Variants in DIS3L2 observed in about 807,000 individuals in gnomAD.
DIS3L2 encodes DIS3-like exonuclease 2.
A neutral mutation model predicts 97.5 loss-of-function variants in DIS3L2; 34 were observed. The ratio of observed to expected loss-of-function variants is 0.35; its 90% CI spans 0.27 to 0.46. The LOEUF (loss-of-function observed/expected upper bound fraction) is 0.46, where lower values mean the gene tolerates loss of function less well. Among genes scored for constraint, DIS3L2 ranks in the 20% least tolerant of loss-of-function variants. The pLI is 1.00. For missense variants in DIS3L2, 1,038 were observed against 1,146.0 expected (o/e 0.91, Z 1.36); for synonymous variants, 435 against 445.2 (o/e 0.98, Z 0.29).
At chr2:232,252,643 G>A (rs942686564) in intron 12 of DIS3L2, among the ~76,000 whole-genome samples, 1 of 152,248 alleles carries the variant, frequency 6.6e-6, no homozygotes, top group Non-Finnish European at 1.5e-5. Context: ...GCTCACGCCT[G>A]TAGTCCCAAC....
intron 6 of DIS3L2, among the ~76,000 whole-genome samples, chr2:232,089,379 G>A (rs1319095727): frequency 1.3e-5 from 2 of 152,198 alleles, no homozygotes. Context: ...AGCTCAGCCA[G>A]TTCCTTTTGG....
chr2:232,334,375 G>A lies in DIS3L2; in HGVS notation c.2165G>A (p.Arg722Lys). ...HRLLAAALGY[R>K]ERLDMAPDTL... ...CCTCACCCCCTCTTCCCAGGCTATA[G>A]GGAGCGACTAGACATGGCGCCCGAT... The change falls in exon 18 of 21, where the codon AGG (arginine) becomes AAG (lysine). Residue 722 changes from arginine (R) to lysine (K), a missense_variant. Transcript: ENST00000325385. 1.9e-6 allele frequency: 3 copies of A among 1,613,418 alleles called. No homozygotes were observed. The highest frequency in any genetic ancestry group is 1.7e-6 in the Non-Finnish European group (2 of 1,179,940).
At chr2:232,240,081 C>G (rs1413031413) in intron 11 of DIS3L2, among the ~76,000 whole-genome samples, 2 of 152,216 alleles carry the variant, frequency 1.3e-5, no homozygotes, top group Admixed American at 6.5e-5. Flanking sequence ...AGGGAGCTAG[C>G]CTAGATGGGC....
intron 5 of DIS3L2, among the ~76,000 whole-genome samples, chr2:232,083,046 G>A (rs1696450665): frequency 7.3e-6 from 1 of 137,490 alleles, no homozygotes; most frequent in Non-Finnish European, 1.5e-5. Context: ...TCACTATCAT[G>A]AGAACAGCAC....
chr2:232,265,943 A>G (rs983024336), intron 13 of DIS3L2, among the ~76,000 whole-genome samples: 9 of 152,252 alleles, frequency 5.9e-5, no homozygotes, highest in Non-Finnish European at 1.2e-4. Flanking sequence ...ATGAATATAC[A>G]TCTATATAAA....
intron 11 of DIS3L2, among the ~76,000 whole-genome samples, chr2:232,245,542 A>T (rs962668757): frequency 6.6e-6 from 1 of 152,260 alleles, no homozygotes; most frequent in African/African-American, 2.4e-5. Flanking sequence ...AGGAATAACC[A>T]TCTATTTACA....
At chr2:232,319,783 T>C (rs917956441) in intron 14 of DIS3L2, among the ~76,000 whole-genome samples, 4 of 152,170 alleles carry the variant, frequency 2.6e-5, no homozygotes, top group Non-Finnish European at 5.9e-5. Flanking sequence ...CCCTACAAGA[T>C]GGGCTTGGCC....
At chr2:232,215,900 C>T (rs1382865048) in intron 10 of DIS3L2, among the ~76,000 whole-genome samples, 1 of 152,154 alleles carries the variant, frequency 6.6e-6, no homozygotes, top group Non-Finnish European at 1.5e-5. Flanking sequence ...TCGTGCATGT[C>T]TCTAGCAGCC....
At chr2:232,237,555 A>T (rs1203055559) in intron 10 of DIS3L2, among the ~76,000 whole-genome samples, 2 of 152,162 alleles carry the variant, frequency 1.3e-5, no homozygotes, top group Non-Finnish European at 2.9e-5. Flanking sequence ...AGAGAGACAG[A>T]TAACAAACAC....
intron 12 of DIS3L2, among the ~76,000 whole-genome samples, chr2:232,252,187 C>G (rs1255161059): frequency 6.6e-6 from 1 of 152,140 alleles, no homozygotes; most frequent in Non-Finnish European, 1.5e-5. Context: ...GCAGGTAGAT[C>G]GCTTGAGGTC....
chr2:232,340,906 G>C (rs192428648), downstream of DIS3L2: 627 of 471,134 alleles, frequency 1.3e-3, 1 homozygote, highest in Non-Finnish European at 2.4e-3. Flanking sequence ...CAAAAAACAA[G>C]CTCCGTGGGG....
intron 14 of DIS3L2, chr2:232,328,932 C>T (rs1023880085): frequency 6.6e-6 from 1 of 152,314 alleles, no homozygotes; most frequent in African/African-American, 2.4e-5. Context: ...TGGTGCTGAC[C>T]TCAGTGCTGT....
At chr2:232,035,834 C>G (rs917301762) in intron 5 of DIS3L2, among the ~76,000 whole-genome samples, 1 of 152,198 alleles carries the variant, frequency 6.6e-6, no homozygotes, top group Non-Finnish European at 1.5e-5. Flanking sequence ...GGCCCTCACT[C>G]TCTTCTGGCT....
intron 10 of DIS3L2, among the ~76,000 whole-genome samples, chr2:232,211,916 A>C (rs940631570): frequency 2.0e-5 from 3 of 152,168 alleles, no homozygotes; most frequent in African/African-American, 7.2e-5. Context: ...GCTGGAATGC[A>C]GTGGCTCATT....
intron 9 of DIS3L2, among the ~76,000 whole-genome samples, chr2:232,187,642 C>T (rs1207247094): frequency 1.3e-5 from 2 of 151,920 alleles, no homozygotes; most frequent in East Asian, 3.9e-4. Context: ...AGGGTTTCAC[C>T]ATGTTGGCCA....
intron 5 of DIS3L2, among the ~76,000 whole-genome samples, chr2:232,084,155 T>C (rs1311172805): frequency 1.3e-5 from 2 of 152,210 alleles, no homozygotes; most frequent in East Asian, 3.8e-4. Context: ...GTCAGTAAAT[T>C]TTCTTATTTT....
chr2:232,037,037 T>A lies in DIS3L2; in HGVS notation c.366+6957T>A, dbSNP rs1160481935. On this transcript the variant is annotated intron_variant, in intron 5 of 20. Transcript: ENST00000325385. The surrounding 1 kb of genome is among the most constrained non-coding windows in gnomAD (Gnocchi z 4.6). ...TTGAGGAGGCAATCTGAGGAGGCAA[T>A]CTGTCCCTTAGCAGAGCTAGAGCGC... is the stretch of plus-strand genomic sequence containing the variant. Among the ~76,000 whole-genome samples the A allele has an allele frequency of 6.6e-6, 1 of 152,206 alleles. No homozygotes were observed.
chr2:232,028,906 G>A (rs1304418224), intron 4 of DIS3L2, among the ~76,000 whole-genome samples: 1 of 152,148 alleles, frequency 6.6e-6, no homozygotes. Flanking sequence ...AGCTAAACTG[G>A]AAATTGAGCA....
At chr2:231,968,289 G>A (rs7561437) in intron 1 of DIS3L2, among the ~76,000 whole-genome samples, 1,975 of 152,170 alleles carry the variant, frequency 0.013, 11 homozygotes, top group Non-Finnish European at 0.02. Flanking sequence ...ATAGAGACGG[G>A]GTTTCATTGT....
Sources: gnomAD v4.1 joint callset for allele counts (sites outside exome capture counted in the v4.1 genomes callset) on GRCh38, gnomAD v4.1.1 for gene constraint, Gnocchi (gnomAD v3.1) non-coding constraint, MANE v1.5 for transcripts, NCBI Gene and HGNC (gene_info 2026-07-23, HGNC 2026-07-21) for gene names.